The following RGS7BP variants were observed in gnomAD, a reference collection of about 807,000 sequenced individuals.
RGS7BP encodes regulator of G protein signaling 7 binding protein.
RGS7BP carries 9 observed loss-of-function variants against 31.3 expected under a neutral mutation model. The observed-to-expected ratio is 0.29, with a 90% CI of 0.17 to 0.50. The LOEUF is 0.50. Ranked by LOEUF, RGS7BP falls within the 20% of genes least tolerant of loss-of-function variation. RGS7BP has a pLI of 0.98. For missense variants in RGS7BP, 274 were observed against 322.0 expected (o/e 0.85, Z 1.14); for synonymous variants, 115 against 120.1 (o/e 0.96, Z 0.28).
At position 64,594,800 on chromosome 5, in the gene RGS7BP, C is replaced by G; in HGVS notation, c.554C>G (p.Pro185Arg). 6.2e-7 allele frequency: 1 copy of G among 1,613,782 alleles called. No homozygotes were observed. Among genetic ancestry groups the G allele is most frequent in the Non-Finnish European group, 8.5e-7 (1 of 1,179,802 alleles). The change falls in exon 4 of 6, where the codon CCC becomes CGC. Residue 185 changes from proline to arginine, a missense_variant. Transcript: ENST00000334025. Reference sequence around the variant, plus strand: ...GCCCTAGAAGACTCCTCATCATCCCCCGTAGATAGTCAGCAACATTCCTGG... The same window carrying G: ...GCCCTAGAAGACTCCTCATCATCCCGCGTAGATAGTCAGCAACATTCCTGG... ...TPALEDSSSS[P>R]VDSQQHSWQV...
intron 2 of RGS7BP, among the ~76,000 whole-genome samples, chr5:64,521,366 C>T (rs1280078592): frequency 1.3e-5 from 2 of 152,290 alleles, no homozygotes; most frequent in Non-Finnish European, 2.9e-5. Flanking sequence ...CAAGGATTCT[C>T]CTGCCTCAGC....
rs567686858 is a variant in RGS7BP at position 64,519,595 on chromosome 5, A to C, written c.332+11718A>C. 2.0e-5 allele frequency among the ~76,000 whole-genome samples: 3 copies of C among 152,348 alleles called. No individual in the cohort carries two copies. The South Asian group carries it at 6.2e-4, about 32-fold the overall frequency. The stretch of plus-strand genomic sequence containing the variant: ...CTTTCTCTTTTAGTTATGCAGTCAT[A>C]GCCTCCTGCCATAGGTAAGCCTCAG... On this transcript the variant is annotated intron_variant, in intron 2 of 5. Transcript: ENST00000334025.
At chr5:64,534,567 A>G (rs1363818424) in intron 2 of RGS7BP, among the ~76,000 whole-genome samples, 1 of 152,170 alleles carries the variant, frequency 6.6e-6, no homozygotes, top group Non-Finnish European at 1.5e-5. Context: ...GGGGAGAATC[A>G]GAAACAAGTC....
intron 2 of RGS7BP, among the ~76,000 whole-genome samples, chr5:64,536,482 T>G (rs746655200): frequency 6.6e-5 from 10 of 152,240 alleles, no homozygotes; most frequent in Non-Finnish European, 1.3e-4. Flanking sequence ...CAGTAATAGT[T>G]GTTCTTATAG....
chr5:64,605,006 C>T (rs899308728), intron 5 of RGS7BP, among the ~76,000 whole-genome samples: 34 of 151,816 alleles, frequency 2.2e-4, no homozygotes, highest in Admixed American at 1.4e-3. Flanking sequence ...CCTGTCACTC[C>T]AAAAATAAAT....
intron 2 of RGS7BP, among the ~76,000 whole-genome samples, chr5:64,526,189 C>A (rs1418986690): frequency 2.0e-5 from 3 of 152,140 alleles, no homozygotes; most frequent in African/African-American, 4.8e-5. Flanking sequence ...TATATAGCCG[C>A]AAAGGAAAAC....
chr5:64,599,358 T>C (rs1743160880), intron 5 of RGS7BP, among the ~76,000 whole-genome samples: 1 of 152,136 alleles, frequency 6.6e-6, no homozygotes, highest in Non-Finnish European at 1.5e-5. Context: ...GAGCAAAGCC[T>C]GATGGGAGGG....
chr5:64,526,182 A>G (rs1749225968), intron 2 of RGS7BP, among the ~76,000 whole-genome samples: 1 of 152,218 alleles, frequency 6.6e-6, no homozygotes, highest in South Asian at 2.1e-4. Context: ...ACGGGTTTAT[A>G]TAGCCGCAAA....
intron 3 of RGS7BP, among the ~76,000 whole-genome samples, chr5:64,583,846 G>C (rs1351113711): frequency 6.6e-6 from 1 of 152,190 alleles, no homozygotes; most frequent in Non-Finnish European, 1.5e-5. Flanking sequence ...CAGTGAGTAG[G>C]ACACTATTTG....
At chr5:64,609,097 A>T in intron 5 of RGS7BP, 64 bp from the exon 6 acceptor site, 3 of 1,024,090 alleles carry the variant, frequency 2.9e-6, no homozygotes, top group Non-Finnish European at 4.7e-6. Context: ...TTTTAAAGCC[A>T]CTTCCTAAAA....
intron 2 of RGS7BP, among the ~76,000 whole-genome samples, chr5:64,512,584 C>A (rs1188185316): frequency 1.3e-5 from 2 of 152,050 alleles, no homozygotes; most frequent in Non-Finnish European, 2.9e-5. Flanking sequence ...ACTTAGGAGA[C>A]CGCAAGCATA....
At chr5:64,577,307 T>C (rs988250161) in intron 3 of RGS7BP, among the ~76,000 whole-genome samples, 9 of 151,756 alleles carry the variant, frequency 5.9e-5, no homozygotes, top group Admixed American at 3.3e-4. Context: ...CCAGGCTTGG[T>C]GGGGGGCGCC....
At chr5:64,606,969 G>A (rs1743381364) in intron 5 of RGS7BP, among the ~76,000 whole-genome samples, 1 of 150,542 alleles carries the variant, frequency 6.6e-6, no homozygotes, top group Non-Finnish European at 1.5e-5. Flanking sequence ...TTAATCTCTG[G>A]AGACTGGGAG....
At chr5:64,525,991 A>G (rs927913218) in intron 2 of RGS7BP, among the ~76,000 whole-genome samples, 3 of 152,192 alleles carry the variant, frequency 2.0e-5, no homozygotes, top group African/African-American at 4.8e-5. Flanking sequence ...ACTTTGCTGT[A>G]GTTTCTAATG....
chr5:64,525,588 G>T (rs78984429), intron 2 of RGS7BP, among the ~76,000 whole-genome samples: 1 of 152,156 alleles, frequency 6.6e-6, no homozygotes, highest in Admixed American at 6.5e-5. Context: ...ACCTCTATGT[G>T]CTGGGAATTA....
chr5:64,593,553 A>G (rs1742977755), intron 3 of RGS7BP, among the ~76,000 whole-genome samples: 1 of 152,218 alleles, frequency 6.6e-6, no homozygotes. Flanking sequence ...CATGACAAAA[A>G]TAAAACTGGA....
intron 2 of RGS7BP, among the ~76,000 whole-genome samples, chr5:64,563,751 T>G (rs1405071120): frequency 6.6e-6 from 1 of 152,174 alleles, no homozygotes; most frequent in Non-Finnish European, 1.5e-5. Flanking sequence ...AGCAAGCTAA[T>G]ACACAATACG....
chr5:64,539,092 T>A (rs1427088161), intron 2 of RGS7BP, among the ~76,000 whole-genome samples: 2 of 152,144 alleles, frequency 1.3e-5, no homozygotes, highest in East Asian at 1.9e-4. Context: ...TAGAGAGATA[T>A]CTTGTGTTTT....
chr5:64,534,883 A>G (rs1372556740), intron 2 of RGS7BP, among the ~76,000 whole-genome samples: 1 of 152,128 alleles, frequency 6.6e-6, no homozygotes, highest in Admixed American at 6.5e-5. Context: ...AACAAAGGAG[A>G]GCTAGGGGCT....
Sources: allele counts gnomAD v4.1 joint callset (sites outside exome capture counted in the v4.1 genomes callset), GRCh38; gene constraint gnomAD v4.1.1; transcripts MANE v1.5; gene names NCBI Gene and HGNC (gene_info 2026-07-23, HGNC 2026-07-21).